Variants in AFF3 observed in about 807,000 individuals in gnomAD.
AFF3 encodes ALF transcription elongation factor 3, also known as AF4/FMR2 family member 3.
In AFF3, 32 loss-of-function variants were observed where a neutral mutation model predicts 129.7. That is an observed-to-expected ratio of 0.25 (90% CI 0.19 to 0.33). AFF3 has a LOEUF of 0.33. AFF3 is among the 10% of genes least tolerant of loss of function. AFF3 has a pLI of 1.00. For missense variants in AFF3, 1,373 were observed against 1,592.0 expected (o/e 0.86, Z 2.34); for synonymous variants, 644 against 635.4 (o/e 1.01, Z -0.20).
rs1674399835 is a variant in AFF3, at chr2:99,551,429, C to T, written c.*45G>A. ...TAGCACAGTGTCCAAAAACGTTGAG[C>T]CATCTGTGGAGACCAGAGCCCACTC... On this transcript the variant is annotated 3_prime_UTR_variant, in exon 25 of 25. Coordinates refer to ENST00000672756, the MANE Select transcript of AFF3 (RefSeq NM_001386135.1). The T allele has an allele frequency of 1.9e-6, 3 of 1,607,950 alleles. No homozygotes were observed. Among genetic ancestry groups the T allele is most frequent in the South Asian group, 1.1e-5 (1 of 90,836 alleles).
At chr2:99,903,623 T>C (rs1033510381) in intron 7 of AFF3, among the ~76,000 whole-genome samples, 4 of 152,142 alleles carry the variant, frequency 2.6e-5, no homozygotes, top group African/African-American at 9.7e-5. Context: ...TAAAATCAGA[T>C]ATGAATTTAA....
rs527548154 is a variant in AFF3 at position 99,647,140 on chromosome 2, C to T, written c.1184+2486G>A. 3.9e-5 allele frequency among the ~76,000 whole-genome samples: 6 copies of T among 152,240 alleles called. No individual in the cohort carries two copies. The South Asian group carries it at 1.2e-3, about 32-fold the overall frequency. On this transcript the variant is annotated intron_variant, in intron 13 of 24. Transcript: ENST00000672756. The stretch of plus-strand genomic sequence containing the variant: ...AGAAATACCATTTGATCCAGCAATC[C>T]CATTAATGGGTATATACCCAAATGA...
chr2:99,659,718 G>A (rs1418591522), intron 12 of AFF3, among the ~76,000 whole-genome samples: 3 of 152,150 alleles, frequency 2.0e-5, no homozygotes, highest in African/African-American at 7.2e-5. Flanking sequence ...AGCATGAGGC[G>A]ATCGTATGCA....
intron 5 of AFF3, 149 bp downstream of exon 5, chr2:100,008,663 C>T (rs1281040261): frequency 5.2e-6 from 5 of 968,084 alleles, no homozygotes; most frequent in East Asian, 5.4e-5. Flanking sequence ...GGGAAGACCC[C>T]GTACTTGGTG....
intron 7 of AFF3, among the ~76,000 whole-genome samples, chr2:99,927,498 G>A (rs73610074): frequency 3.3e-5 from 5 of 152,116 alleles, no homozygotes; most frequent in Non-Finnish European, 7.4e-5. Context: ...ACTACCACAT[G>A]TTCTAACTTA....
chr2:99,610,987 C>G (rs557139019), intron 13 of AFF3, among the ~76,000 whole-genome samples: 1 of 152,186 alleles, frequency 6.6e-6, no homozygotes, highest in South Asian at 2.1e-4. Flanking sequence ...CTCTACCCCC[C>G]AGTCTGTTTA....
intron 4 of AFF3, among the ~76,000 whole-genome samples, chr2:100,031,491 A>G (rs1684488457): frequency 6.6e-6 from 1 of 152,226 alleles, no homozygotes; most frequent in African/African-American, 2.4e-5. Flanking sequence ...CTTGCCCTGT[A>G]GCTGAGTGAC....
At chr2:99,552,996 G>A (rs1306099954) in intron 24 of AFF3, among the ~76,000 whole-genome samples, 1 of 152,072 alleles carries the variant, frequency 6.6e-6, no homozygotes, top group Non-Finnish European at 1.5e-5. Flanking sequence ...GCAATGGTGC[G>A]ATCTTGGCTG....
chr2:99,956,387 G>T (rs898321871), intron 7 of AFF3, among the ~76,000 whole-genome samples: 4 of 152,046 alleles, frequency 2.6e-5, no homozygotes, highest in African/African-American at 7.2e-5. Context: ...AGCTGAAATG[G>T]AACTGTGACG....
chr2:99,822,165 C>T (rs747350107), intron 8 of AFF3, among the ~76,000 whole-genome samples: 11 of 152,136 alleles, frequency 7.2e-5, no homozygotes, highest in African/African-American at 1.4e-4. Context: ...GACAAGATGA[C>T]GTCACAAGAC....
Position 100,006,748 on chromosome 2 carries a change from A to G in AFF3, c.757T>C (p.Ser253Pro). The G allele has an allele frequency of 6.2e-7, 1 of 1,614,158 alleles. No homozygotes were observed. The highest frequency in any genetic ancestry group is 2.2e-5 in the East Asian group (1 of 44,874). ...CAGTGCACGCTGGTTTCCGAAGACG[A>G]CTTCAGCTTAGGAGACTCATCAGGG... ...QAPDESPKLKSSSETSVHCTS... is the reference protein window; with the variant it reads ...QAPDESPKLKPSSETSVHCTS... The change falls in exon 7 of 25, where the codon TCG (serine) becomes CCG (proline). Residue 253 changes from serine (S) to proline (P), a missense_variant. Ser to Pro is a moderately conservative substitution (Grantham distance 74, BLOSUM62 -1). Around this residue, in one of 9 missense-constraint regions of AFF3, gnomAD observed 413 missense variants for 424.4 expected, o/e 0.97. Coordinates refer to ENST00000672756, the MANE Select transcript of AFF3 (RefSeq NM_001386135.1).
intron 10 of AFF3, among the ~76,000 whole-genome samples, chr2:99,735,458 C>T (rs1356488254): frequency 1.3e-5 from 2 of 151,508 alleles, no homozygotes; most frequent in East Asian, 1.9e-4. Flanking sequence ...AAGATAGATG[C>T]TTAGTTCATT....
At chr2:99,885,850 G>A (rs1693073811) in intron 7 of AFF3, among the ~76,000 whole-genome samples, 2 of 152,110 alleles carry the variant, frequency 1.3e-5, no homozygotes, top group South Asian at 4.1e-4. Flanking sequence ...CATACGCACA[G>A]GATTGGTTTT....
At chr2:99,783,920 T>C (rs1348355567) in intron 8 of AFF3, among the ~76,000 whole-genome samples, 3 of 152,240 alleles carry the variant, frequency 2.0e-5, no homozygotes, top group South Asian at 2.1e-4. Flanking sequence ...GTGCTAAACA[T>C]AGATATTGTA....
chr2:99,966,551 G>A lies in AFF3; in HGVS notation c.873+40081C>T, dbSNP rs950112176. Among the ~76,000 whole-genome samples, 278 of 149,234 alleles carry A rather than the reference G, an allele frequency of 1.9e-3. 3 individuals carry two copies. The highest frequency in any genetic ancestry group is 8.7e-3 in the South Asian group (41 of 4,736). ...TAAAAATACAAAAAATTAGCCGGGC[G>A]TAGTGGCGGGCGCCTGTAGTCCCAG... is the stretch of plus-strand genomic sequence containing the variant. On this transcript the variant is annotated intron_variant, in intron 7 of 24. Coordinates refer to ENST00000672756, the MANE Select transcript of AFF3 (RefSeq NM_001386135.1).
chr2:100,004,539 G>C (rs1471587542), intron 7 of AFF3, among the ~76,000 whole-genome samples: 1 of 152,056 alleles, frequency 6.6e-6, no homozygotes. Flanking sequence ...TCCCACCTCA[G>C]CCTCCCAAAG....
rs191350904 is a variant in AFF3, at chr2:99,821,762, G to T, written c.921+15715C>A. 9.8e-5 allele frequency among the ~76,000 whole-genome samples: 15 copies of T among 152,294 alleles called. No individual in the cohort carries two copies. In the East Asian group the frequency reaches 2.7e-3, roughly 27 times the overall value. ...CACCACAGGCAGTGAGTAATGCCTT[G>T]TGCTATGACCTCGTGATGACCAAAA... On this transcript the variant is annotated intron_variant, in intron 8 of 24. Coordinates refer to ENST00000672756, the MANE Select transcript of AFF3 (RefSeq NM_001386135.1).
chr2:99,556,342 G>A (rs1220613243), intron 22 of AFF3, among the ~76,000 whole-genome samples: 2 of 152,214 alleles, frequency 1.3e-5, no homozygotes, highest in African/African-American at 4.8e-5. Context: ...CTACTTGGGA[G>A]GCTGAGACAG....
chr2:99,711,828 C>G (rs964512971), intron 11 of AFF3, among the ~76,000 whole-genome samples: 3 of 152,170 alleles, frequency 2.0e-5, no homozygotes, highest in African/African-American at 7.2e-5. Context: ...CACAGGCAGT[C>G]TGTTAATGTC....
Sources: gnomAD v4.1 joint callset for allele counts (sites outside exome capture counted in the v4.1 genomes callset) on GRCh38, gnomAD v4.1.1 for gene constraint, gnomAD v4.1.1 regional missense constraint, MANE v1.5 for transcripts, NCBI Gene and HGNC (gene_info 2026-07-23, HGNC 2026-07-21) for gene names.